Variants in GALNT13 observed in about 807,000 individuals in gnomAD.
The protein encoded by GALNT13 is polypeptide N-acetylgalactosaminyltransferase 13.
GALNT13 carries 28 observed loss-of-function variants against 64.2 expected under a neutral mutation model. The observed-to-expected ratio is 0.44, with a 90% CI of 0.32 to 0.60. The LOEUF (loss-of-function observed/expected upper bound fraction) is 0.60. GALNT13 is among the 20% of genes least tolerant of loss of function. The pLI, the probability that GALNT13 is intolerant of heterozygous loss-of-function variation, is 0.05. For missense variants in GALNT13, 577 were observed against 669.8 expected, an observed-to-expected ratio of 0.86 and a Z score of 1.53; for synonymous variants, 214 against 224.6, an observed-to-expected ratio of 0.95 and a Z score of 0.42.
At chr2:153,550,239 C>CT in the GALNT13 span, among the ~76,000 whole-genome samples, 3,780 of 141,648 alleles carry the variant, frequency 0.027, 143 homozygotes, top group African/African-American at 0.087. Flanking sequence ...TGAATGGTCA[C>CT]TTTTTTTTTT....
At chr2:153,760,149 C>G in the GALNT13 span, among the ~76,000 whole-genome samples, 1 of 151,620 alleles carries the variant, frequency 6.6e-6, no homozygotes, top group African/African-American at 2.4e-5. Flanking sequence ...TTTTTTCTGA[C>G]TTTAGTTATT....
At chr2:153,887,088 C>T (rs1558835541) in intron 1 of GALNT13, among the ~76,000 whole-genome samples, 1 of 151,800 alleles carries the variant, frequency 6.6e-6, no homozygotes, top group Non-Finnish European at 1.5e-5. Flanking sequence ...TGAATACAAC[C>T]CAGGTCTCTT....
chr2:154,218,960 C>T (rs1485714191), intron 4 of GALNT13, among the ~76,000 whole-genome samples: 4 of 151,950 alleles, frequency 2.6e-5, no homozygotes, highest in Admixed American at 6.6e-5. Context: ...TGCCTAAGTG[C>T]TCTCTTTTGA....
At chr2:154,421,600 A>T (rs924567988) in intron 11 of GALNT13, among the ~76,000 whole-genome samples, 1 of 9,520 alleles carries the variant, frequency 1.1e-4, no homozygotes. Flanking sequence ...ATTATTTCTA[A>T]TTTTTTTCCA....
chr2:153,668,053 A>G, the GALNT13 span, among the ~76,000 whole-genome samples: 3 of 152,330 alleles, frequency 2.0e-5, no homozygotes, highest in South Asian at 4.1e-4. Flanking sequence ...TCATTTCATA[A>G]TAATTATATA....
chr2:153,101,170 A>G, the GALNT13 span, among the ~76,000 whole-genome samples: 1 of 152,228 alleles, frequency 6.6e-6, no homozygotes, highest in Admixed American at 6.5e-5. Context: ...TAGGTTCATT[A>G]AAAGTTATAG....
At chr2:153,177,440 A>G in the GALNT13 span, among the ~76,000 whole-genome samples, 1 of 152,142 alleles carries the variant, frequency 6.6e-6, no homozygotes, top group Non-Finnish European at 1.5e-5. Context: ...GTAAGATAAT[A>G]CAGTTAAAAG....
chr2:154,377,963 G>A (rs547173728), intron 9 of GALNT13, among the ~76,000 whole-genome samples: 10 of 152,092 alleles, frequency 6.6e-5, no homozygotes, highest in Non-Finnish European at 1.2e-4. Flanking sequence ...CTCTAAAGAC[G>A]TGCCACCCTT....
At chr2:153,798,249 T>C in the GALNT13 span, among the ~76,000 whole-genome samples, 1 of 152,166 alleles carries the variant, frequency 6.6e-6, no homozygotes, top group African/African-American at 2.4e-5. Flanking sequence ...TAGAAAATAT[T>C]TGATGAGGGA....
chr2:154,145,245 A>T (rs1683525954), intron 4 of GALNT13, among the ~76,000 whole-genome samples: 1 of 151,330 alleles, frequency 6.6e-6, no homozygotes, highest in South Asian at 2.1e-4. Context: ...AAAATTTTTA[A>T]AGTAAATATC....
intron 12 of GALNT13, chr2:154,446,636 G>A (rs758386834): frequency 2.9e-4 from 449 of 1,548,526 alleles, no homozygotes; most frequent in Non-Finnish European, 3.6e-4. Flanking sequence ...ATGGCTCCCA[G>A]CATCCTACTG....
the GALNT13 span, among the ~76,000 whole-genome samples, chr2:153,461,453 T>A: frequency 2.0e-5 from 3 of 152,074 alleles, no homozygotes; most frequent in African/African-American, 7.2e-5. Flanking sequence ...AAAGCCAGAT[T>A]AAGCCCAGGG....
chr2:153,274,785 G>C, the GALNT13 span, among the ~76,000 whole-genome samples: 1 of 152,196 alleles, frequency 6.6e-6, no homozygotes, highest in African/African-American at 2.4e-5. Context: ...ACTTCCAGTT[G>C]TTTTCAATCT....
chr2:153,744,669 A>G, the GALNT13 span, among the ~76,000 whole-genome samples: 33 of 152,134 alleles, frequency 2.2e-4, no homozygotes, highest in Non-Finnish European at 3.8e-4. Context: ...CATCCTGAGC[A>G]TGACCGAGAC....
chr2:153,225,777 G>A, the GALNT13 span, among the ~76,000 whole-genome samples: 1 of 152,034 alleles, frequency 6.6e-6, no homozygotes, highest in Non-Finnish European at 1.5e-5. Context: ...AATATGTACA[G>A]GATTTAAGTG....
chr2:153,257,805 TC>T, the GALNT13 span, among the ~76,000 whole-genome samples: 2 of 152,224 alleles, frequency 1.3e-5, no homozygotes, highest in African/African-American at 4.8e-5. Context: ...TAAAATGTTT[TC>T]TTTTGCAATA....
intron 3 of GALNT13, among the ~76,000 whole-genome samples, chr2:153,971,942 C>T (rs1693769974): frequency 6.6e-6 from 1 of 151,978 alleles, no homozygotes; most frequent in Non-Finnish European, 1.5e-5. Flanking sequence ...GGCTCTAAAT[C>T]CAATGACCAG....
At chr2:153,183,516 T>C in the GALNT13 span, among the ~76,000 whole-genome samples, 1 of 152,246 alleles carries the variant, frequency 6.6e-6, no homozygotes, top group Non-Finnish European at 1.5e-5. Flanking sequence ...GCAATTGCTT[T>C]TGGGATTTTC....
chr2:153,453,591 GTTA>G, the GALNT13 span, among the ~76,000 whole-genome samples: 1 of 152,120 alleles, frequency 6.6e-6, no homozygotes, highest in Admixed American at 6.6e-5. Context: ...AGTCAGAATT[GTTA>G]TTATTAAAAA....
Sources: gnomAD v4.1 joint callset for allele counts (sites outside exome capture counted in the v4.1 genomes callset) on GRCh38, gnomAD v4.1.1 for gene constraint, MANE v1.5 for transcripts, NCBI Gene and HGNC (gene_info 2026-07-23, HGNC 2026-07-21) for gene names.